TMEM45A: variants seen among roughly 807,000 people sequenced by gnomAD.
TMEM45A encodes the protein DNA polymerase-transactivated protein 4.
TMEM45A carries 25 observed loss-of-function variants against 32.0 expected under a neutral mutation model. That is an observed-to-expected ratio of 0.78 (90% CI 0.57 to 1.09). TMEM45A has a LOEUF of 1.09. TMEM45A is among the 50% of genes least tolerant of loss of function. TMEM45A has a pLI of 0.00. For synonymous variants in TMEM45A, 122 were observed against 114.8 expected (o/e 1.06, Z -0.40); for missense variants, 302 against 325.0 (o/e 0.93, Z 0.54).
chr3:100,526,293 C>T lies in TMEM45A; in HGVS notation c.-3-28916C>T, dbSNP rs566673699. Among the ~76,000 whole-genome samples the T allele has an allele frequency of 2.6e-4, 40 of 152,272 alleles. 1 individual carries two copies. Among genetic ancestry groups the T allele is most frequent in the African/African-American group, 8.7e-4 (36 of 41,556 alleles). On this transcript the variant is annotated intron_variant, in intron 1 of 5. Transcript: ENST00000323523. ...TTTGCAGAGAAGCATGTTCTACTGCCAGCCTCTTTAGCTTGAGGAACTCTT... is the reference window on the plus strand; with the variant it reads ...TTTGCAGAGAAGCATGTTCTACTGCTAGCCTCTTTAGCTTGAGGAACTCTT...
At chr3:100,543,917 T>C (rs1029958853) in intron 1 of TMEM45A, among the ~76,000 whole-genome samples, 1 of 152,208 alleles carries the variant, frequency 6.6e-6, no homozygotes, top group Non-Finnish European at 1.5e-5. Context: ...TATTTCAGTT[T>C]CTTCATCTGT....
intron 1 of TMEM45A, among the ~76,000 whole-genome samples, chr3:100,521,375 T>A (rs1705434313): frequency 6.6e-6 from 1 of 151,974 alleles, no homozygotes; most frequent in African/African-American, 2.4e-5. Flanking sequence ...CTGCCTCAGC[T>A]CCCAAGTAGC....
intron 1 of TMEM45A, among the ~76,000 whole-genome samples, chr3:100,535,246 G>T (rs1387173485): frequency 6.6e-6 from 1 of 151,894 alleles, no homozygotes; most frequent in Admixed American, 6.6e-5. Context: ...TCAGCCTTCC[G>T]AGTAGCTGGG....
At chr3:100,541,009 A>G (rs1442245468) in intron 1 of TMEM45A, among the ~76,000 whole-genome samples, 1 of 152,146 alleles carries the variant, frequency 6.6e-6, no homozygotes. Flanking sequence ...GACTTTAATA[A>G]TAGTCCCTCT....
intron 5 of TMEM45A, among the ~76,000 whole-genome samples, chr3:100,575,204 T>G (rs1706657375): frequency 6.6e-6 from 1 of 152,108 alleles, no homozygotes; most frequent in African/African-American, 2.4e-5. Flanking sequence ...CACAATGCCT[T>G]TATAATAATG....
At chr3:100,510,077 A>C (rs1175074187) in intron 1 of TMEM45A, among the ~76,000 whole-genome samples, 2 of 152,238 alleles carry the variant, frequency 1.3e-5, no homozygotes, top group Non-Finnish European at 1.5e-5. Flanking sequence ...TGCTTAGGTA[A>C]ACAAAGCAGC....
intron 3 of TMEM45A, among the ~76,000 whole-genome samples, chr3:100,558,046 T>G (rs78241283): frequency 6.6e-6 from 1 of 152,216 alleles, no homozygotes; most frequent in African/African-American, 2.4e-5. Context: ...AATATTTTCA[T>G]CTTATGGAGA....
intron 1 of TMEM45A, among the ~76,000 whole-genome samples, chr3:100,499,694 T>C (rs1381539479): frequency 1.5e-4 from 23 of 152,118 alleles, no homozygotes; most frequent in Admixed American, 1.4e-3. Flanking sequence ...CTAAGCAACA[T>C]AGCGAAACCC....
intron 1 of TMEM45A, among the ~76,000 whole-genome samples, chr3:100,493,928 C>T (rs532699933): frequency 1.3e-5 from 2 of 152,216 alleles, no homozygotes; most frequent in South Asian, 2.1e-4. Flanking sequence ...GACGGGGTTT[C>T]GCCATGTTGG....
chr3:100,546,949 T>C (rs1029576563), intron 1 of TMEM45A, among the ~76,000 whole-genome samples: 1 of 152,120 alleles, frequency 6.6e-6, no homozygotes, highest in African/African-American at 2.4e-5. Context: ...ATGGCAGAGA[T>C]AATAATACAG....
intron 1 of TMEM45A, among the ~76,000 whole-genome samples, chr3:100,503,697 A>G (rs568486750): frequency 5.3e-5 from 8 of 152,330 alleles, no homozygotes; most frequent in East Asian, 1.9e-4. Flanking sequence ...AGGAAGATAC[A>G]TGAACAACTA....
chr3:100,554,730 A>G (rs746709083), intron 1 of TMEM45A, among the ~76,000 whole-genome samples: 4 of 152,260 alleles, frequency 2.6e-5, no homozygotes, highest in Non-Finnish European at 5.9e-5. Context: ...AAACTTTCAT[A>G]TCACTTTCCT....
intron 1 of TMEM45A, among the ~76,000 whole-genome samples, chr3:100,508,803 C>A (rs1301206476): frequency 6.6e-6 from 1 of 150,534 alleles, no homozygotes; most frequent in African/African-American, 2.5e-5. Flanking sequence ...CTGTCTCTCA[C>A]TATATAAAAA....
chr3:100,504,892 G>A (rs1363218842), intron 1 of TMEM45A, among the ~76,000 whole-genome samples: 1 of 152,194 alleles, frequency 6.6e-6, no homozygotes, highest in Admixed American at 6.5e-5. Context: ...AGTGTAGCCT[G>A]TTGCCTCTCT....
chr3:100,510,260 A>ATG (rs1708138316), intron 1 of TMEM45A, among the ~76,000 whole-genome samples: 1 of 152,242 alleles, frequency 6.6e-6, no homozygotes, highest in Non-Finnish European at 1.5e-5. Flanking sequence ...CCCAGCATGC[A>ATG]GCTGGAGATC....
At chr3:100,576,398 T>C (rs1170487222) in intron 5 of TMEM45A, among the ~76,000 whole-genome samples, 2 of 152,098 alleles carry the variant, frequency 1.3e-5, no homozygotes, top group African/African-American at 4.8e-5. Flanking sequence ...TGCAGTGAGC[T>C]GAGATTGTGC....
chr3:100,572,068 A>C (rs1430272068), intron 5 of TMEM45A: 2 of 152,230 alleles, frequency 1.3e-5, no homozygotes, highest in Admixed American at 1.3e-4. Context: ...ATACATGTGC[A>C]TGTGTCTTTA....
At chr3:100,540,268 A>G (rs986534459) in intron 1 of TMEM45A, among the ~76,000 whole-genome samples, 2 of 152,200 alleles carry the variant, frequency 1.3e-5, no homozygotes, top group African/African-American at 4.8e-5. Flanking sequence ...AAGACAAACC[A>G]CAGACTGGGG....
In TMEM45A at chr3:100,546,354, C is replaced by T. The variant is rs1360606369; in HGVS notation, c.-3-8855C>T. On this transcript the variant is annotated intron_variant, in intron 1 of 5. Coordinates refer to ENST00000323523, the MANE Select transcript of TMEM45A (RefSeq NM_018004.3). ...GTACTAATTTTGTAGTAGTTTGTTACAGCAGCAATAGAAAACTGATATATT... is the reference window on the plus strand; with the variant it reads ...GTACTAATTTTGTAGTAGTTTGTTATAGCAGCAATAGAAAACTGATATATT... Among the ~76,000 whole-genome samples, 4 of 152,198 alleles carry T rather than the reference C, an allele frequency of 2.6e-5. No individual in the cohort carries two copies. The East Asian group carries it at 7.7e-4, about 29-fold the overall frequency.
Sources: gnomAD v4.1 joint callset for allele counts (sites outside exome capture counted in the v4.1 genomes callset) on GRCh38, gnomAD v4.1.1 for gene constraint, MANE v1.5 for transcripts, NCBI Gene and HGNC (gene_info 2026-07-23, HGNC 2026-07-21) for gene names.